MOK: variants seen among roughly 807,000 people sequenced by gnomAD.
The protein encoded by MOK is MAPK/MAK/MRK overlapping kinase.
Under a neutral mutation model 54.2 loss-of-function variants are expected in MOK, and 59 were observed. The observed-to-expected ratio is 1.09, with a 90% CI of 0.88 to 1.35. The LOEUF is 1.35. Among genes scored for constraint, MOK ranks in the 40% most tolerant of loss-of-function variants. The pLI, the probability that MOK is intolerant of heterozygous loss-of-function variation, is 0.00. For missense variants in MOK, 517 were observed against 526.2 expected (o/e 0.98, Z 0.17); for synonymous variants, 210 against 202.7 (o/e 1.04, Z -0.31).
the MOK span, among the ~76,000 whole-genome samples, chr14:102,217,985 T>C: frequency 6.6e-6 from 1 of 152,180 alleles, no homozygotes; most frequent in African/African-American, 2.4e-5. Context: ...AGGCTGGCCT[T>C]CTCCCTCTGG....
rs201162285 is a variant in MOK, at chr14:102,245,323, AC to A, written c.590+5488del. ...ACATCGCCCATTATCTCTTCATACC[AC>A]CCCCCCAAAAATTTTCACTGCCCCA... is the stretch of plus-strand genomic sequence containing the variant. On this transcript the variant is annotated intron_variant, in intron 7 of 11. Coordinates refer to ENST00000361847, the MANE Select transcript of MOK (RefSeq NM_014226.3). The surrounding 1 kb of genome is among the most constrained non-coding windows in gnomAD (Gnocchi z 4.3). 2.0e-5 allele frequency among the ~76,000 whole-genome samples: 3 copies of A among 147,816 alleles called. No homozygotes were observed. The highest frequency in any genetic ancestry group is 5.0e-5 in the African/African-American group (2 of 39,756).
chr14:102,221,519 T>C (rs11160674), downstream of MOK, among the ~76,000 whole-genome samples: 27,311 of 151,960 alleles, frequency 0.18, 3,609 homozygotes, highest in African/African-American at 0.38. This position sits in a 1 kb window ranked among gnomAD's most constrained non-coding sequence, Gnocchi z 4.8. Flanking sequence ...GTTTGCGGGG[T>C]CCTCCACAAG....
intron 4 of MOK, among the ~76,000 whole-genome samples, chr14:102,256,424 A>T (rs115972893): frequency 0.01 from 1,554 of 151,718 alleles, 25 homozygotes; most frequent in African/African-American, 0.036. Context: ...AAAATTAGCC[A>T]GGCTAATTTA....
downstream of MOK, among the ~76,000 whole-genome samples, chr14:102,226,825 C>G (rs896977820): frequency 1.1e-4 from 17 of 152,340 alleles, no homozygotes; most frequent in Admixed American, 8.5e-4. This position sits in a 1 kb window ranked among gnomAD's most constrained non-coding sequence, Gnocchi z 4.8. Flanking sequence ...CCACAAACCC[C>G]GCCGCTCCTC....
At chr14:102,226,057 G>A, downstream of MOK, 1 of 507,648 alleles carries the variant, frequency 2.0e-6, no homozygotes. This position sits in a 1 kb window ranked among gnomAD's most constrained non-coding sequence, Gnocchi z 4.8. Flanking sequence ...CACCGCAGGT[G>A]TGGGGACAGC....
rs781011623 is a variant in MOK at position 102,253,310 on chromosome 14, C to T, written c.284-1315G>A. Among the ~76,000 whole-genome samples the T allele has an allele frequency of 1.6e-4, 25 of 152,280 alleles. 1 individual carries two copies. Among genetic ancestry groups the T allele is most frequent in the East Asian group, 1.9e-4 (1 of 5,186 alleles). ...GCGTCAGCTCTGTGAACATTCAGAG[C>T]GCATGTGCTATGGTTTCAGTGGGAA... is the stretch of plus-strand genomic sequence containing the variant. On this transcript the variant is annotated intron_variant, in intron 4 of 11. Coordinates refer to ENST00000361847, the MANE Select transcript of MOK (RefSeq NM_014226.3).
At chr14:102,253,360 G>C (rs36060205) in intron 4 of MOK, among the ~76,000 whole-genome samples, 34,279 of 152,182 alleles carry the variant, frequency 0.23, 4,816 homozygotes, top group African/African-American at 0.4. Flanking sequence ...CGTCACACAA[G>C]TAGCATGGTC....
rs1157850119 is a variant in MOK, at chr14:102,249,073, G to A, written c.590+1739C>T. Among the ~76,000 whole-genome samples the A allele has an allele frequency of 6.6e-6, 1 of 152,010 alleles. No individual in the cohort carries two copies. The highest frequency in any genetic ancestry group is 1.5e-5 in the Non-Finnish European group (1 of 68,010). ...CAGCGACCCTCACCACACGGAACAC[G>A]AGGAACTCAGCCTGGCGTGTGCAGC... On this transcript the variant is annotated intron_variant, in intron 7 of 11. Coordinates refer to ENST00000361847, the MANE Select transcript of MOK (RefSeq NM_014226.3). The surrounding 1 kb of genome is among the most constrained non-coding windows in gnomAD (Gnocchi z 5.3).
intron 1 of MOK, 127 bp downstream of exon 1, chr14:102,304,835 G>A: frequency 1.8e-6 from 2 of 1,107,656 alleles, no homozygotes; most frequent in South Asian, 1.4e-5. Flanking sequence ...TCCCGGGCCT[G>A]TCGAGCCACG....
At chr14:102,301,188 C>T (rs1269626684) in intron 1 of MOK, among the ~76,000 whole-genome samples, 2 of 152,170 alleles carry the variant, frequency 1.3e-5, no homozygotes, top group Non-Finnish European at 2.9e-5. Context: ...CTAGTTGAAT[C>T]CAGGCAACCT....
chr14:102,288,408 T>C (rs890993271), intron 1 of MOK, among the ~76,000 whole-genome samples: 3 of 152,188 alleles, frequency 2.0e-5, no homozygotes, highest in African/African-American at 7.2e-5. Flanking sequence ...TTGAGGACAT[T>C]ATGCTAAGTG....
At position 102,304,933 on chromosome 14, in the gene MOK, TCCCTGCCCCTTTC is replaced by T; in HGVS notation, c.7+16_7+28del. The T allele has an allele frequency of 6.4e-7, 1 of 1,572,378 alleles. No individual in the cohort carries two copies. Among genetic ancestry groups the T allele is most frequent in the African/African-American group, 1.4e-5 (1 of 72,716 alleles). ...CCCTCCCCCGCCACTCGCTCTCCAG[TCCCTGCCCCTTTC>T]CCCGGCCCCACTCACTCTTCATCTT... On this transcript the variant is annotated intron_variant, in intron 1 of 11. Coordinates refer to ENST00000361847, the MANE Select transcript of MOK (RefSeq NM_014226.3).
chr14:102,224,362 G>A (rs887916000), downstream of MOK: 13 of 345,554 alleles, frequency 3.8e-5, no homozygotes, highest in Non-Finnish European at 7.3e-5. Flanking sequence ...TTTCTTACTT[G>A]GTTGAAACCA....
chr14:102,228,450 A>T (rs897879295), downstream of MOK, among the ~76,000 whole-genome samples: 3 of 152,108 alleles, frequency 2.0e-5, no homozygotes, highest in Non-Finnish European at 4.4e-5. Flanking sequence ...TAATCCCAGC[A>T]CTTTGGGAGG....
Position 102,232,622 on chromosome 14 carries a change from G to C in MOK, c.779C>G (p.Ser260Cys). The C allele has an allele frequency of 6.2e-7, 1 of 1,614,162 alleles. No homozygotes were observed. Among genetic ancestry groups the C allele is most frequent in the East Asian group, 2.2e-5 (1 of 44,890 alleles). The change falls in exon 9 of 12, where the codon TCC becomes TGC. Residue 260 changes from serine to cysteine, a missense_variant. Physicochemically the swap from Ser to Cys is moderately radical, Grantham distance 112. Transcript: ENST00000361847. The surrounding 1 kb of genome is among the most constrained non-coding windows in gnomAD (Gnocchi z 5.1). Reference sequence around the variant, plus strand: ...ATAGGCCACCATTGCGTGCAGGAGGGAGAGGCATTGTGGGGACAAATTGGT... The same window carrying C: ...ATAGGCCACCATTGCGTGCAGGAGGCAGAGGCATTGTGGGGACAAATTGGT... ...LTTNLSPQCL[S>C]LLHAMVAYDP...
At chr14:102,265,612 C>CA (rs1555426409) in intron 3 of MOK, among the ~76,000 whole-genome samples, 1 of 151,888 alleles carries the variant, frequency 6.6e-6, no homozygotes, top group Admixed American at 6.6e-5. Flanking sequence ...GCCTGCATGA[C>CA]AGAGAGAGAG....
At chr14:102,247,994 TCAATA>T (rs1277621742) in intron 7 of MOK, among the ~76,000 whole-genome samples, 2 of 152,168 alleles carry the variant, frequency 1.3e-5, no homozygotes, top group African/African-American at 4.8e-5. Flanking sequence ...ATCGGAGCCT[TCAATA>T]CAATACAAGA....
chr14:102,257,147 T>G (rs1469995532), intron 4 of MOK, among the ~76,000 whole-genome samples: 2 of 151,342 alleles, frequency 1.3e-5, no homozygotes, highest in Non-Finnish European at 2.9e-5. Context: ...TCATGCTGCC[T>G]TGCAGCTGAG....
chr14:102,279,787 T>G (rs2069223915), intron 2 of MOK, among the ~76,000 whole-genome samples: 1 of 152,146 alleles, frequency 6.6e-6, no homozygotes, highest in Non-Finnish European at 1.5e-5. Flanking sequence ...GGAGTGAAAG[T>G]GCCCTCCCTG....
Sources: gnomAD v4.1 joint callset for allele counts (sites outside exome capture counted in the v4.1 genomes callset) on GRCh38, gnomAD v4.1.1 for gene constraint, Gnocchi (gnomAD v3.1) non-coding constraint, MANE v1.5 for transcripts, NCBI Gene and HGNC (gene_info 2026-07-23, HGNC 2026-07-21) for gene names.